Variants in ADARB2 observed in about 807,000 individuals in gnomAD.
The protein encoded by ADARB2 is adenosine deaminase RNA specific B2 (inactive).
A neutral mutation model predicts 62.2 loss-of-function variants in ADARB2; 25 were observed. The ratio of observed to expected loss-of-function variants is 0.40; its 90% CI spans 0.29 to 0.56. The LOEUF is 0.56. ADARB2 is among the 20% of genes least tolerant of loss of function. The pLI is 0.43. For synonymous variants in ADARB2, 572 were observed against 500.8 expected, an observed-to-expected ratio of 1.14 and a Z score of -1.90; for missense variants, 1,071 against 1,077.4, an observed-to-expected ratio of 0.99 and a Z score of 0.08.
intron 1 of ADARB2, among the ~76,000 whole-genome samples, chr10:1,544,105 T>C (rs1277455562): frequency 6.7e-6 from 1 of 150,246 alleles, no homozygotes; most frequent in Non-Finnish European, 1.5e-5. Context: ...GACCGTGGAG[T>C]AGAGCCGTCC....
At chr10:1,566,905 T>C (rs955947252) in intron 1 of ADARB2, among the ~76,000 whole-genome samples, 1 of 152,180 alleles carries the variant, frequency 6.6e-6, no homozygotes, top group African/African-American at 2.4e-5. Flanking sequence ...GTCACTATAA[T>C]TGACTTAAAA....
At chr10:1,679,257 A>G (rs1004250176) in intron 1 of ADARB2, among the ~76,000 whole-genome samples, 10 of 152,140 alleles carry the variant, frequency 6.6e-5, no homozygotes, top group African/African-American at 1.2e-4. Context: ...CCTCATTATT[A>G]ATAGTGCCCT....
chr10:1,621,093 T>C (rs1215104452), intron 1 of ADARB2, among the ~76,000 whole-genome samples: 7 of 152,216 alleles, frequency 4.6e-5, no homozygotes, highest in African/African-American at 1.7e-4. Context: ...AGTATACTGC[T>C]GGTCCTTGCA....
intron 1 of ADARB2, among the ~76,000 whole-genome samples, chr10:1,656,250 T>G (rs1203707513): frequency 6.6e-6 from 1 of 152,212 alleles, no homozygotes; most frequent in Admixed American, 6.5e-5. Flanking sequence ...CCCCCTTGTG[T>G]TAGTAGAACA....
intron 1 of ADARB2, among the ~76,000 whole-genome samples, chr10:1,617,983 T>G (rs974331343): frequency 6.6e-6 from 1 of 152,204 alleles, no homozygotes; most frequent in Non-Finnish European, 1.5e-5. Context: ...TGCTGTCCAC[T>G]TTTTTCCCCT....
chr10:1,673,333 T>TGTGTG (rs1482490231), intron 1 of ADARB2, among the ~76,000 whole-genome samples: 1 of 151,906 alleles, frequency 6.6e-6, no homozygotes, highest in African/African-American at 2.4e-5. Context: ...TGTGTGTGTG[T>TGTGTG]GTGTGTGTGT....
At chr10:1,257,921 A>C (rs1031213591) in intron 4 of ADARB2, among the ~76,000 whole-genome samples, 5 of 152,156 alleles carry the variant, frequency 3.3e-5, no homozygotes, top group African/African-American at 1.2e-4. Context: ...GAAAGTCCAC[A>C]CTTACTTCAG....
chr10:1,656,819 A>G (rs1027307136), intron 1 of ADARB2, among the ~76,000 whole-genome samples: 2 of 152,152 alleles, frequency 1.3e-5, no homozygotes, highest in African/African-American at 4.8e-5. Flanking sequence ...AATTAAAATT[A>G]TCTTCAAGGC....
intron 1 of ADARB2, among the ~76,000 whole-genome samples, chr10:1,713,648 G>T (rs1834979397): frequency 6.6e-6 from 1 of 152,126 alleles, no homozygotes; most frequent in African/African-American, 2.4e-5. Flanking sequence ...TCAGCACCTG[G>T]GCTGCAGAAG....
intron 1 of ADARB2, among the ~76,000 whole-genome samples, chr10:1,725,506 G>A (rs1835152360): frequency 6.6e-6 from 1 of 151,746 alleles, no homozygotes; most frequent in Non-Finnish European, 1.5e-5. Flanking sequence ...ACTCTGCGGT[G>A]GGGGAAGACC....
intron 4 of ADARB2, among the ~76,000 whole-genome samples, chr10:1,265,437 C>T (rs1831185993): frequency 6.6e-6 from 1 of 152,260 alleles, no homozygotes; most frequent in Non-Finnish European, 1.5e-5. Context: ...ATTTGCTTCT[C>T]TTTTTCCAGT....
Position 1,496,399 on chromosome 10 carries a change from C to T in ADARB2, c.101-117239G>A, listed in dbSNP as rs137947953. On this transcript the variant is annotated intron_variant, in intron 1 of 9. Coordinates refer to ENST00000381312, the MANE Select transcript of ADARB2 (RefSeq NM_018702.4). ...TCGTCATCATCACCATCATTATTAC[C>T]AACATTATCATCCTATCTTCATCAT... Among the ~76,000 whole-genome samples, 1,251 of 151,972 alleles carry T rather than the reference C, an allele frequency of 8.2e-3. 59 individuals are homozygous for T. Among genetic ancestry groups the T allele is most frequent in the Admixed American group, 0.074 (1,130 of 15,262 alleles).
intron 1 of ADARB2, among the ~76,000 whole-genome samples, chr10:1,708,549 A>G (rs1834918017): frequency 6.6e-6 from 1 of 152,206 alleles, no homozygotes; most frequent in African/African-American, 2.4e-5. Flanking sequence ...CAAGACGCCA[A>G]TCAAGAATTT....
chr10:1,500,722 G>C (rs1170023398), intron 1 of ADARB2, among the ~76,000 whole-genome samples: 3 of 152,128 alleles, frequency 2.0e-5, no homozygotes, highest in African/African-American at 7.2e-5. Context: ...ATTTAGACAG[G>C]AGCTTCCTAG....
At position 1,358,674 on chromosome 10, in the gene ADARB2, A is replaced by G. The variant is rs1298232810; in HGVS notation, c.1077+4354T>C. 3.9e-5 allele frequency among the ~76,000 whole-genome samples: 6 copies of G among 152,142 alleles called. No individual in the cohort carries two copies. In the East Asian group the frequency reaches 9.6e-4, roughly 24 times the overall value. On this transcript the variant is annotated intron_variant, in intron 3 of 9. Transcript: ENST00000381312. Reference sequence around the variant, plus strand: ...AAACAAAGATTCTTTTAACATTTGTAGAAAGTCATTCAAGGAACTGTTTCT... The same window carrying G: ...AAACAAAGATTCTTTTAACATTTGTGGAAAGTCATTCAAGGAACTGTTTCT...
chr10:1,736,919 GGAGCAGCCATCCCGCCAGCACCCCAAAGT>G lies in ADARB2; in HGVS notation c.100+103_100+131del. On this transcript the variant is annotated intron_variant, in intron 1 of 9. Coordinates refer to ENST00000381312, the MANE Select transcript of ADARB2 (RefSeq NM_018702.4). ...ATCTGAACTCCCGAGCGCCCTGCACGGAGCAGCCATCCCGCCAGCACCCCAAAGTGAAGCTGCTCACAACGGACAAGCCC... is the reference window on the plus strand; with the variant it reads ...ATCTGAACTCCCGAGCGCCCTGCACGGAAGCTGCTCACAACGGACAAGCCC... The G allele has an allele frequency of 3.4e-6, 3 of 871,162 alleles. No individual in the cohort carries two copies. The Admixed American group carries it at 6.4e-5, about 19-fold the overall frequency. The allele number at this position is 871,162 out of a possible 1,614,324, so 54.0% of individuals were successfully genotyped here.
At chr10:1,615,703 G>T (rs1005888552) in intron 1 of ADARB2, among the ~76,000 whole-genome samples, 1 of 152,228 alleles carries the variant, frequency 6.6e-6, no homozygotes, top group Non-Finnish European at 1.5e-5. Context: ...CTCTACTGGA[G>T]AAGATGGCCA....
intron 1 of ADARB2, among the ~76,000 whole-genome samples, chr10:1,646,088 G>A (rs1834037618): frequency 1.3e-5 from 2 of 152,168 alleles, no homozygotes; most frequent in South Asian, 4.1e-4. Flanking sequence ...GCTCCCAGAG[G>A]GAAGATCCCC....
At chr10:1,450,220 T>C (rs1263212858) in intron 1 of ADARB2, among the ~76,000 whole-genome samples, 1 of 152,226 alleles carries the variant, frequency 6.6e-6, no homozygotes, top group East Asian at 1.9e-4. Flanking sequence ...GCCTGCTTCT[T>C]TTCCTGCCCT....
Sources: gnomAD v4.1 joint callset for allele counts (sites outside exome capture counted in the v4.1 genomes callset) on GRCh38, gnomAD v4.1.1 for gene constraint, MANE v1.5 for transcripts, NCBI Gene and HGNC (gene_info 2026-07-23, HGNC 2026-07-21) for gene names.